The following IL1RAPL2 variants were observed in gnomAD, a reference collection of about 807,000 sequenced individuals.
IL1RAPL2 encodes X-linked interleukin-1 receptor accessory protein-like 2.
IL1RAPL2 carries 3 observed loss-of-function variants against 44.1 expected under a neutral mutation model. That is an observed-to-expected ratio of 0.07 (90% CI 0.03 to 0.18). The LOEUF is 0.18. Ranked by LOEUF, IL1RAPL2 falls within the 10% of genes least tolerant of loss-of-function variation. The pLI, the probability that IL1RAPL2 is intolerant of heterozygous loss-of-function variation, is 1.00. For synonymous variants in IL1RAPL2, 181 were observed against 178.8 expected, an observed-to-expected ratio of 1.01 and a Z score of -0.10; for missense variants, 391 against 496.4, an observed-to-expected ratio of 0.79 and a Z score of 2.02.
chrX:105,639,020 T>C (rs1336130665), intron 6 of IL1RAPL2, among the ~76,000 whole-genome samples: 1 of 112,060 alleles, frequency 8.9e-6, no homozygotes, highest in Non-Finnish European at 1.9e-5. Context: ...AATTTAGCCA[T>C]AGAGGAACTC....
intron 6 of IL1RAPL2, among the ~76,000 whole-genome samples, chrX:105,625,882 T>G (rs1184586564): frequency 8.9e-6 from 1 of 111,803 alleles, no homozygotes; most frequent in Non-Finnish European, 1.9e-5. Context: ...ATACAAATAT[T>G]TAGAGATTCA....
intron 5 of IL1RAPL2, among the ~76,000 whole-genome samples, chrX:105,445,621 T>C (rs751110609): frequency 9.0e-6 from 1 of 111,699 alleles, no homozygotes; most frequent in African/African-American, 3.2e-5. Context: ...CATTTCCAAT[T>C]TTCTTCTTAA....
intron 2 of IL1RAPL2, among the ~76,000 whole-genome samples, chrX:104,773,202 C>T (rs1371374381): frequency 8.9e-6 from 1 of 111,851 alleles, no homozygotes; most frequent in Non-Finnish European, 1.9e-5. Context: ...AGTCACCACA[C>T]CTGGCTAAAG....
rs187613439 is a variant in IL1RAPL2 at position 104,790,955 on chromosome X, C to T, written c.82+131960C>T. 1.5e-3 allele frequency among the ~76,000 whole-genome samples: 163 copies of T among 111,766 alleles called. 1 individual carries two copies. Among genetic ancestry groups the T allele is most frequent in the African/African-American group, 4.9e-3 (150 of 30,773 alleles). ...CAATTTATTGCATAATGACCACGTG[C>T]CAGTCACTGCTCTAAGTACTTTGTA... is the stretch of plus-strand genomic sequence containing the variant. On this transcript the variant is annotated intron_variant, in intron 2 of 10. Coordinates refer to ENST00000372582, the MANE Select transcript of IL1RAPL2 (RefSeq NM_017416.2).
In IL1RAPL2 at chrX:105,376,742, G is replaced by T. The variant is rs1195617591; in HGVS notation, c.698-107571G>T. Among the ~76,000 whole-genome samples the T allele has an allele frequency of 4.5e-5, 5 of 111,454 alleles. No individual in the cohort carries two copies. In the Admixed American group the frequency reaches 4.8e-4, roughly 11 times the overall value. ...AGGAAAACTAGTTATTGATTAAAGA[G>T]GATTTTGAAGTGGTCTAATTGTCCT... On this transcript the variant is annotated intron_variant, in intron 5 of 10. Coordinates refer to ENST00000372582, the MANE Select transcript of IL1RAPL2 (RefSeq NM_017416.2).
intron 2 of IL1RAPL2, among the ~76,000 whole-genome samples, chrX:104,864,301 T>C (rs767106786): frequency 8.9e-5 from 10 of 112,304 alleles, no homozygotes; most frequent in South Asian, 3.7e-4. Flanking sequence ...TTGGGAACAA[T>C]TATTAGGTAT....
At chrX:104,689,997 G>A (rs1931063639) in intron 2 of IL1RAPL2, among the ~76,000 whole-genome samples, 1 of 112,096 alleles carries the variant, frequency 8.9e-6, no homozygotes, top group Non-Finnish European at 1.9e-5. Flanking sequence ...GCATTTGTGT[G>A]GCGCAATTGG....
chrX:105,623,121 C>T (rs1327130988), intron 6 of IL1RAPL2, among the ~76,000 whole-genome samples: 3 of 110,775 alleles, frequency 2.7e-5, no homozygotes, highest in Non-Finnish European at 3.8e-5. Flanking sequence ...ATGTGTCTTA[C>T]ACATATTAAC....
intron 6 of IL1RAPL2, among the ~76,000 whole-genome samples, chrX:105,489,662 CTTTCTTTCTTTCTCTTTCTT>C (rs976820322): frequency 1.0e-4 from 11 of 108,606 alleles, no homozygotes; most frequent in African/African-American, 3.4e-4. Flanking sequence ...TCCTTCCTTT[CTTTCTTTCTTTCTCTTTCTT>C]TTTCTTTCTT....
intron 5 of IL1RAPL2, among the ~76,000 whole-genome samples, chrX:105,352,238 G>A (rs890877236): frequency 7.2e-5 from 8 of 111,524 alleles, no homozygotes; most frequent in East Asian, 2.8e-4. Flanking sequence ...CTGCCACCCC[G>A]AACTTTTTAA....
intron 2 of IL1RAPL2, among the ~76,000 whole-genome samples, chrX:104,864,290 T>C (rs1452200717): frequency 8.9e-6 from 1 of 112,241 alleles, no homozygotes; most frequent in Non-Finnish European, 1.9e-5. Flanking sequence ...ATAGTCCTTA[T>C]TTGGGAACAA....
chrX:105,577,410 GTATGT>G (rs1425617737), intron 6 of IL1RAPL2, among the ~76,000 whole-genome samples: 1 of 110,560 alleles, frequency 9.0e-6, no homozygotes, highest in Non-Finnish European at 1.9e-5. Context: ...CACTAACACA[GTATGT>G]TATAAGATTT....
intron 3 of IL1RAPL2, among the ~76,000 whole-genome samples, chrX:105,196,102 T>C (rs11092532): frequency 0.55 from 59,430 of 108,545 alleles, 13,437 homozygotes; most frequent in East Asian, 0.77. Flanking sequence ...ACCAATATGG[T>C]GAAACCCTGT....
intron 6 of IL1RAPL2, among the ~76,000 whole-genome samples, chrX:105,716,195 C>T (rs2038255836): frequency 9.0e-6 from 1 of 111,527 alleles, no homozygotes; most frequent in South Asian, 3.7e-4. Flanking sequence ...GATAATAGGA[C>T]AATTTAATAG....
intron 1 of IL1RAPL2, among the ~76,000 whole-genome samples, chrX:104,635,968 G>T (rs969436231): frequency 9.0e-6 from 1 of 111,494 alleles, no homozygotes. Context: ...CCCCATCTTT[G>T]TGTTTTTATC....
At chrX:104,765,919 G>A (rs1932544626) in intron 2 of IL1RAPL2, among the ~76,000 whole-genome samples, 1 of 112,200 alleles carries the variant, frequency 8.9e-6, no homozygotes, top group South Asian at 3.7e-4. Context: ...TTGAGCATGG[G>A]ATATCATCTT....
At chrX:105,733,901 C>CT (rs2147569225) in intron 7 of IL1RAPL2, among the ~76,000 whole-genome samples, 1 of 111,491 alleles carries the variant, frequency 9.0e-6, no homozygotes, top group East Asian at 2.8e-4. Flanking sequence ...TGCCTTGTTA[C>CT]TTTTTTGTTG....
intron 2 of IL1RAPL2, among the ~76,000 whole-genome samples, chrX:105,188,293 G>A (rs1375874592): frequency 9.0e-6 from 1 of 110,892 alleles, no homozygotes; most frequent in Non-Finnish European, 1.9e-5. Context: ...GATTTGAAGG[G>A]ACAGTAGAAA....
chrX:105,367,597 G>T (rs2035305251), intron 5 of IL1RAPL2, among the ~76,000 whole-genome samples: 1 of 111,512 alleles, frequency 9.0e-6, no homozygotes, highest in Admixed American at 9.5e-5. Flanking sequence ...TTTTAAGCTG[G>T]TGACAACTTA....
Sources: gnomAD v4.1 joint callset for allele counts (sites outside exome capture counted in the v4.1 genomes callset) on GRCh38, gnomAD v4.1.1 for gene constraint, MANE v1.5 for transcripts, NCBI Gene and HGNC (gene_info 2026-07-23, HGNC 2026-07-21) for gene names.